Variants in CSMD1 observed in about 807,000 individuals in gnomAD.
CSMD1 encodes CUB and Sushi multiple domains 1.
Under a neutral mutation model 417.5 loss-of-function variants are expected in CSMD1, and 213 were observed. That is an observed-to-expected ratio of 0.51 (90% CI 0.46 to 0.57). The LOEUF (loss-of-function observed/expected upper bound fraction) is 0.57. Ranked by LOEUF, CSMD1 falls within the 20% of genes least tolerant of loss-of-function variation. The pLI is 0.00. For synonymous variants in CSMD1, 2,862 were observed against 1,736.8 expected (o/e 1.65, Z -16.11); for missense variants, 6,923 against 4,529.7 (o/e 1.53, Z -15.17).
chr8:4,004,744 T>C (rs563329243), intron 4 of CSMD1, among the ~76,000 whole-genome samples: 38 of 152,220 alleles, frequency 2.5e-4, no homozygotes, highest in South Asian at 8.3e-4. Flanking sequence ...TTATTCTTTT[T>C]TTGTTTTGTT....
intron 20 of CSMD1, among the ~76,000 whole-genome samples, chr8:3,363,022 G>T (rs17065928): frequency 0.21 from 32,545 of 152,170 alleles, 3,542 homozygotes; most frequent in African/African-American, 0.25. Context: ...TATGTTATCT[G>T]CCCTCCATAA....
At chr8:4,785,576 G>C (rs1374400123) in intron 1 of CSMD1, among the ~76,000 whole-genome samples, 1 of 151,988 alleles carries the variant, frequency 6.6e-6, no homozygotes, top group Non-Finnish European at 1.5e-5. Flanking sequence ...ATAGTCCTGA[G>C]CCACTTGGAA....
At chr8:4,354,963 C>A (rs1047207148) in intron 3 of CSMD1, among the ~76,000 whole-genome samples, 7 of 150,834 alleles carry the variant, frequency 4.6e-5, no homozygotes, top group African/African-American at 1.7e-4. Context: ...CACCCAAACC[C>A]ATGTTTAGAT....
intron 10 of CSMD1, among the ~76,000 whole-genome samples, chr8:3,519,065 A>T (rs1320012849): frequency 6.6e-6 from 1 of 152,226 alleles, no homozygotes; most frequent in African/African-American, 2.4e-5. Flanking sequence ...TCTTAAAACC[A>T]GAGTTAAGGA....
chr8:3,600,799 T>TAACATTCATATGCATGTTTTGC (rs986347960), intron 8 of CSMD1, among the ~76,000 whole-genome samples: 205 of 151,806 alleles, frequency 1.4e-3, no homozygotes, highest in African/African-American at 4.4e-3. Context: ...GAATGTTTTG[T>TAACATTCATATGCATGTTTTGC]AACATTCATA....
intron 3 of CSMD1, among the ~76,000 whole-genome samples, chr8:4,079,475 A>G (rs1800010220): frequency 6.6e-6 from 1 of 152,262 alleles, no homozygotes; most frequent in Admixed American, 6.5e-5. Flanking sequence ...CTATCATCAT[A>G]AAGCATGCAA....
intron 53 of CSMD1, 107 bp from the exon 54 acceptor site, chr8:2,998,291 G>T (rs1005258193): frequency 1.1e-4 from 119 of 1,112,740 alleles, no homozygotes; most frequent in Non-Finnish European, 1.4e-4. Context: ...ATGGACTGAA[G>T]GTTTTCCACT....
chr8:4,507,722 A>T (rs994394855), intron 2 of CSMD1, among the ~76,000 whole-genome samples: 2 of 152,222 alleles, frequency 1.3e-5, no homozygotes, highest in Non-Finnish European at 2.9e-5. Context: ...TGACATTTTC[A>T]AGCTAAGAGG....
At chr8:4,877,661 C>G (rs745414704) in intron 1 of CSMD1, among the ~76,000 whole-genome samples, 1 of 152,056 alleles carries the variant, frequency 6.6e-6, no homozygotes. Context: ...AGCCAATAAA[C>G]ACAAATTGAA....
intron 3 of CSMD1, among the ~76,000 whole-genome samples, chr8:4,086,288 C>T (rs915205970): frequency 6.6e-6 from 1 of 152,048 alleles, no homozygotes; most frequent in African/African-American, 2.4e-5. Flanking sequence ...TTACTCGAGG[C>T]CACAAAAACA....
intron 2 of CSMD1, among the ~76,000 whole-genome samples, chr8:4,455,654 G>C (rs1264814965): frequency 6.6e-6 from 1 of 151,968 alleles, no homozygotes. Flanking sequence ...ATTGAGGCCA[G>C]ATACAGTGGC....
chr8:3,517,129 G>A (rs906598647), intron 10 of CSMD1, among the ~76,000 whole-genome samples: 1 of 152,178 alleles, frequency 6.6e-6, no homozygotes, highest in Non-Finnish European at 1.5e-5. Context: ...GGTGTGGCTA[G>A]CTCCCTCCTG....
At chr8:3,238,517 GC>G (rs1266436629) in intron 26 of CSMD1, among the ~76,000 whole-genome samples, 2 of 152,070 alleles carry the variant, frequency 1.3e-5, no homozygotes, top group East Asian at 3.9e-4. Context: ...GTTTCTCAGG[GC>G]TGCTTGGAGC....
intron 1 of CSMD1, among the ~76,000 whole-genome samples, chr8:4,777,866 C>T (rs142827309): frequency 2.0e-5 from 3 of 152,228 alleles, no homozygotes; most frequent in Non-Finnish European, 4.4e-5. Context: ...CACTTGACTT[C>T]TGACACACTG....
At chr8:4,241,607 G>C (rs968290282) in intron 3 of CSMD1, among the ~76,000 whole-genome samples, 3 of 152,090 alleles carry the variant, frequency 2.0e-5, no homozygotes, top group African/African-American at 7.2e-5. Flanking sequence ...CAAGTTTAGA[G>C]GATTTCTATG....
intron 5 of CSMD1, among the ~76,000 whole-genome samples, chr8:3,916,893 C>A (rs1332513488): frequency 7.0e-6 from 1 of 142,118 alleles, no homozygotes; most frequent in African/African-American, 2.5e-5. Flanking sequence ...GGTCATGAAA[C>A]AGAATGAGAC....
intron 12 of CSMD1, among the ~76,000 whole-genome samples, chr8:3,447,185 T>C (rs146557544): frequency 6.6e-6 from 1 of 152,134 alleles, no homozygotes; most frequent in South Asian, 2.1e-4. Context: ...AAGAACTCTA[T>C]GGCAAAGAAA....
chr8:2,975,653 G>A (rs1804850479), intron 55 of CSMD1, among the ~76,000 whole-genome samples: 1 of 152,100 alleles, frequency 6.6e-6, no homozygotes, highest in Admixed American at 6.5e-5. Context: ...TGAAATGCTG[G>A]ATAAATGACC....
chr8:3,810,292 C>T lies in CSMD1; in HGVS notation c.819-56250G>A, dbSNP rs376570360. ...CATGTATTCCTGATGTTTCACAGGACGAAGACAAGACAAAACCCAAACAAC... is the reference window on the plus strand; with the variant it reads ...CATGTATTCCTGATGTTTCACAGGATGAAGACAAGACAAAACCCAAACAAC... On this transcript the variant is annotated intron_variant, in intron 5 of 69. Coordinates refer to ENST00000635120, the MANE Select transcript of CSMD1 (RefSeq NM_033225.6). Among the ~76,000 whole-genome samples, 30 of 152,000 alleles carry T rather than the reference C, an allele frequency of 2.0e-4. 1 individual carries two copies. Among genetic ancestry groups the T allele is most frequent in the South Asian group, 6.2e-4 (3 of 4,822 alleles).
Sources: allele counts gnomAD v4.1 joint callset (sites outside exome capture counted in the v4.1 genomes callset), GRCh38; gene constraint gnomAD v4.1.1; transcripts MANE v1.5; gene names NCBI Gene and HGNC (gene_info 2026-07-23, HGNC 2026-07-21).